MMP26: variants seen among roughly 807,000 people sequenced by gnomAD.
MMP26 encodes the protein matrix metalloproteinase-26.
In MMP26, 33 loss-of-function variants were observed where a neutral mutation model predicts 31.0. That is an observed-to-expected ratio of 1.06 (90% CI 0.81 to 1.42). The LOEUF (loss-of-function observed/expected upper bound fraction) is 1.42. Among genes scored for constraint, MMP26 ranks in the 40% most tolerant of loss-of-function variants. The pLI, the probability that MMP26 is intolerant of heterozygous loss-of-function variation, is 0.00. For synonymous variants in MMP26, 122 were observed against 114.9 expected, an observed-to-expected ratio of 1.06 and a Z score of -0.40; for missense variants, 347 against 316.1, an observed-to-expected ratio of 1.10 and a Z score of -0.74.
At chr11:4,823,880 C>G (rs1321085915) in intron 2 of MMP26, among the ~76,000 whole-genome samples, 1 of 152,084 alleles carries the variant, frequency 6.6e-6, no homozygotes, top group East Asian at 1.9e-4. Flanking sequence ...TTGTTCATAA[C>G]TCCATTAATC....
chr11:4,980,864 A>G (rs1002475010), intron 2 of MMP26, among the ~76,000 whole-genome samples: 1 of 150,432 alleles, frequency 6.6e-6, no homozygotes, highest in Non-Finnish European at 1.5e-5. Context: ...GAGAAGTACA[A>G]TGATAATATT....
At chr11:4,710,398 T>A (rs1190190158) in intron 1 of MMP26, 1 of 457,014 alleles carries the variant, frequency 2.2e-6, no homozygotes, top group Non-Finnish European at 4.4e-6. Context: ...GTGCACATGC[T>A]CATTGCCAAT....
At position 4,856,179 on chromosome 11, in the gene MMP26, C is replaced by A. The variant is rs565547322; in HGVS notation, c.-145+88838C>A. 2.6e-3 allele frequency among the ~76,000 whole-genome samples: 401 copies of A among 152,266 alleles called. 4 individuals are homozygous for A. Among genetic ancestry groups the A allele is most frequent in the Non-Finnish European group, 5.1e-3 (344 of 68,028 alleles). On this transcript the variant is annotated intron_variant, in intron 2 of 7. Transcript: ENST00000380390. The stretch of plus-strand genomic sequence containing the variant: ...CTGCATCAACTAATGAGCAAAATAA[C>A]CAGCTAACATCATAATGACAGGATC...
At chr11:4,925,131 G>A (rs1381009325) in intron 2 of MMP26, among the ~76,000 whole-genome samples, 1 of 152,144 alleles carries the variant, frequency 6.6e-6, no homozygotes, top group Non-Finnish European at 1.5e-5. Flanking sequence ...TATCTTGTAA[G>A]TTCTATTCTT....
chr11:4,938,033 G>A (rs2133597841), intron 2 of MMP26: 1 of 152,238 alleles, frequency 6.6e-6, no homozygotes, highest in Middle Eastern at 3.4e-3. Flanking sequence ...ACATCAAATA[G>A]GAATAGTCCC....
At chr11:4,827,814 G>C (rs1478172521) in intron 2 of MMP26, among the ~76,000 whole-genome samples, 3 of 149,954 alleles carry the variant, frequency 2.0e-5, no homozygotes, top group Non-Finnish European at 4.4e-5. Context: ...CAAGATGAGA[G>C]TTCTAATTGT....
intron 1 of MMP26, chr11:4,709,884 A>T (rs1847836010): frequency 2.2e-6 from 1 of 456,842 alleles, no homozygotes; most frequent in African/African-American, 2.0e-5. Flanking sequence ...AATGTTCTTT[A>T]TCCATGGCTT....
intron 2 of MMP26, among the ~76,000 whole-genome samples, chr11:4,928,802 A>G (rs569074479): frequency 6.6e-6 from 1 of 152,170 alleles, no homozygotes; most frequent in African/African-American, 2.4e-5. Context: ...GCTTTAACAC[A>G]TTAGTAAATC....
chr11:4,861,108 TC>T (rs1246827425), intron 2 of MMP26, among the ~76,000 whole-genome samples: 1 of 149,312 alleles, frequency 6.7e-6, no homozygotes, highest in Non-Finnish European at 1.5e-5. Flanking sequence ...CATATATACT[TC>T]CATATGTATA....
chr11:4,744,860 T>C (rs1397225361), intron 1 of MMP26, among the ~76,000 whole-genome samples: 2 of 152,144 alleles, frequency 1.3e-5, no homozygotes, highest in Non-Finnish European at 2.9e-5. Flanking sequence ...ACAATGAAGG[T>C]TATTAACCTA....
At chr11:4,850,488 T>G (rs1564793799) in intron 2 of MMP26, among the ~76,000 whole-genome samples, 1 of 152,166 alleles carries the variant, frequency 6.6e-6, no homozygotes, top group Non-Finnish European at 1.5e-5. Context: ...ATTTATAATT[T>G]TAACAAGAAG....
chr11:4,977,878 G>A (rs919235281), intron 2 of MMP26, among the ~76,000 whole-genome samples: 1 of 151,930 alleles, frequency 6.6e-6, no homozygotes, highest in Admixed American at 6.6e-5. Context: ...TGTGGCTTTT[G>A]TATTTGTGCA....
At chr11:4,871,248 T>C (rs186157091) in intron 2 of MMP26, among the ~76,000 whole-genome samples, 21 of 152,136 alleles carry the variant, frequency 1.4e-4, no homozygotes, top group African/African-American at 4.8e-4. Flanking sequence ...CTGAAGTGAA[T>C]TGAGGAGACA....
chr11:4,990,682 C>T lies in MMP26; in HGVS notation c.405C>T (p.Thr135=). The T allele has an allele frequency of 6.2e-7, 1 of 1,614,006 alleles. No individual in the cohort carries two copies. The highest frequency in any genetic ancestry group is 8.5e-7 in the Non-Finnish European group (1 of 1,179,980). ...CAGTTTCCATCTGGAGCAATGTGAC[C>T]CCTTTGATATTCCAGCAAGTGCAGA... ...YNAVSIWSNV[T]PLIFQQVQNG... The change falls in exon 5 of 8, where the codon ACC becomes ACT. Residue 135 remains threonine, a synonymous_variant. Transcript: ENST00000380390.
At chr11:4,854,895 G>T (rs191211400) in intron 2 of MMP26, among the ~76,000 whole-genome samples, 5 of 152,318 alleles carry the variant, frequency 3.3e-5, no homozygotes. Flanking sequence ...AGCAACATTT[G>T]CTGTTCTGCA....
At chr11:4,944,047 A>C in intron 2 of MMP26, 1 of 434,658 alleles carries the variant, frequency 2.3e-6, no homozygotes, top group Non-Finnish European at 4.5e-6. Context: ...TCTTTCAATT[A>C]ATAAAATATG....
chr11:4,779,539 C>T (rs1848831774), intron 2 of MMP26, among the ~76,000 whole-genome samples: 1 of 151,900 alleles, frequency 6.6e-6, no homozygotes, highest in Non-Finnish European at 1.5e-5. Context: ...AGTGTTTGTA[C>T]AATTAGTATT....
chr11:4,992,425 A>C lies in MMP26; in HGVS notation c.*183A>C. 1 of 618,164 alleles carries C rather than the reference A, an allele frequency of 1.6e-6. No homozygotes were observed. Among genetic ancestry groups the C allele is most frequent in the Non-Finnish European group, 2.9e-6 (1 of 345,932 alleles). The allele number at this position is 618,164 out of a possible 1,614,324, so 38.3% of individuals were successfully genotyped here. On this transcript the variant is annotated 3_prime_UTR_variant, in exon 8 of 8. Transcript: ENST00000380390. ...AGTCACAATAAAGATTGTTTTAAAG[A>C]GTAATATTTTGTCCTCATAATTTGA...
At chr11:4,769,211 C>A (rs577229061) in intron 2 of MMP26, 1 of 1,613,806 alleles carries the variant, frequency 6.2e-7, no homozygotes, top group Admixed American at 1.7e-5. Flanking sequence ...GACCTTGTGC[C>A]ATTCTTCAGG....
Sources: gnomAD v4.1 joint callset for allele counts (sites outside exome capture counted in the v4.1 genomes callset) on GRCh38, gnomAD v4.1.1 for gene constraint, MANE v1.5 for transcripts, NCBI Gene and HGNC (gene_info 2026-07-23, HGNC 2026-07-21) for gene names.